The following MORC3 variants were observed in gnomAD, a reference collection of about 807,000 sequenced individuals.
MORC3 encodes MORC family CW-type zinc finger protein 3.
Under a neutral mutation model 109.1 loss-of-function variants are expected in MORC3, and 31 were observed. The observed-to-expected ratio is 0.28, with a 90% confidence interval of 0.21 to 0.38. The LOEUF (loss-of-function observed/expected upper bound fraction) is 0.38, where lower values mean the gene tolerates loss of function less well. Ranked by LOEUF, MORC3 falls within the 10% of genes least tolerant of loss-of-function variation. The pLI is 1.00. For missense variants in MORC3, 867 were observed against 1,135.8 expected (o/e 0.76, Z 3.40); for synonymous variants, 395 against 380.7 (o/e 1.04, Z -0.44).
chr21:36,333,566 A>T, intron 1 of MORC3, 80 bp from the exon 2 acceptor site: 1 of 1,172,386 alleles, frequency 8.5e-7, no homozygotes, highest in Non-Finnish European at 1.3e-6. Context: ...AATGTTGTTT[A>T]ACACAGGGAT....
At chr21:36,370,635 A>ATTTTTTTTTTTTTTTTTT (rs1361206395) in intron 15 of MORC3, among the ~76,000 whole-genome samples, 4 of 42,004 alleles carry the variant, frequency 9.5e-5, no homozygotes, top group Non-Finnish European at 1.3e-4. Flanking sequence ...ATATATATAT[A>ATTTTTTTTTTTTTTTTTT]TATATTTTTT....
chr21:36,369,185 G>A lies in MORC3; in HGVS notation c.1817G>A (p.Gly606Asp), dbSNP rs760275450. ...TCAGAACAGAGTCACGTTGAGCAAGGTGGTGTTCAGGTTGAGTTTGTGGGT... is the reference window on the plus strand; with the variant it reads ...TCAGAACAGAGTCACGTTGAGCAAGATGGTGTTCAGGTTGAGTTTGTGGGT... ...MKSEQSHVEQ[G>D]GVQVEFVGDS... is the part of the protein sequence containing the mutation. The change falls in exon 15 of 17, where the codon GGT (glycine) becomes GAT (aspartate). Residue 606 changes from glycine to aspartate, a missense_variant. Transcript: ENST00000400485. 1 of 1,614,166 alleles carries A rather than the reference G, an allele frequency of 6.2e-7. No individual in the cohort carries two copies. Among genetic ancestry groups the A allele is most frequent in the Non-Finnish European group, 8.5e-7 (1 of 1,180,040 alleles).
intron 16 of MORC3, among the ~76,000 whole-genome samples, chr21:36,373,895 GCCTTACAGTTTAGGTGTTTATTGCTT>G (rs2085900053): frequency 6.6e-6 from 1 of 152,110 alleles, no homozygotes; most frequent in South Asian, 2.1e-4. Context: ...AGCAAAAGCT[GCCTTACAGTTTAGGTGTTTATTGCTT>G]AAATACTTTT....
intron 1 of MORC3, 30 bp from the exon 2 acceptor site, chr21:36,333,612 GAATT>G (rs1215480408): frequency 2.3e-5 from 35 of 1,551,834 alleles, no homozygotes; most frequent in Non-Finnish European, 3.0e-5. Flanking sequence ...AGTAAGACCT[GAATT>G]AATTTACATG....
rs1219352208 is a variant in MORC3, at chr21:36,344,681, C to T, written c.859C>T (p.Arg287Cys). 1 of 1,613,860 alleles carries T rather than the reference C, an allele frequency of 6.2e-7. No individual in the cohort carries two copies. The highest frequency in any genetic ancestry group is 8.5e-7 in the Non-Finnish European group (1 of 1,179,936). Reference protein sequence around the residue: ...LVSKSLAYIERDVYRPKFLSK... With the variant: ...LVSKSLAYIECDVYRPKFLSK... ...TTCGAAGAGTCTTGCCTACATCGAA[C>T]GTGATGTTTATCGACCAAAATTTTT... The change falls in exon 7 of 17, where the codon CGT becomes TGT. Residue 287 changes from arginine to cysteine, a missense_variant. This residue lies in a region of MORC3 where 120 missense variants were observed against 259.7 expected (regional missense o/e 0.46). Coordinates refer to ENST00000400485, the MANE Select transcript of MORC3 (RefSeq NM_015358.3).
At chr21:36,334,460 A>G (rs1225421371) in intron 2 of MORC3, among the ~76,000 whole-genome samples, 1 of 152,090 alleles carries the variant, frequency 6.6e-6, no homozygotes, top group Non-Finnish European at 1.5e-5. Context: ...AGTGAGAATT[A>G]TGGGGAATTT....
chr21:36,345,014 G>A lies in MORC3; in HGVS notation c.988G>A (p.Val330Ile). 1 of 1,602,036 alleles carries A rather than the reference G, an allele frequency of 6.2e-7. No homozygotes were observed. ...RNRLIKAYEK[V>I]GCQLRANNMG... ...TAGACTCATCAAAGCTTATGAAAAA[G>A]TTGGATGTCAGTTAAGGGTAAGCTT... The change falls in exon 8 of 17, where the codon GTT (valine) becomes ATT (isoleucine). Residue 330 changes from valine to isoleucine, a missense_variant. By Grantham distance (29) the Val-to-Ile change is conservative. Coordinates refer to ENST00000400485, the MANE Select transcript of MORC3 (RefSeq NM_015358.3).
At chr21:36,336,345 C>T (rs991065314) in intron 2 of MORC3, among the ~76,000 whole-genome samples, 1 of 152,078 alleles carries the variant, frequency 6.6e-6, no homozygotes, top group Non-Finnish European at 1.5e-5. Flanking sequence ...CAGGCTCGAG[C>T]GATTCTCCTG....
chr21:36,328,869 A>C (rs995404629), intron 1 of MORC3, among the ~76,000 whole-genome samples: 1 of 151,368 alleles, frequency 6.6e-6, no homozygotes, highest in African/African-American at 2.4e-5. Context: ...GTCTTGGGCC[A>C]CACACACATA....
At chr21:36,349,251 GTAAT>G in intron 8 of MORC3, 56 bp from the exon 9 acceptor site, 1 of 1,012,662 alleles carries the variant, frequency 9.9e-7, no homozygotes, top group East Asian at 2.5e-5. Context: ...TTCTTTAAGG[GTAAT>G]TATTTTGAGC....
At chr21:36,338,095 G>C in intron 4 of MORC3, 149 bp downstream of exon 4, 2 of 760,790 alleles carry the variant, frequency 2.6e-6, no homozygotes, top group South Asian at 3.8e-5. Context: ...CCCTACACCT[G>C]AGGCTAAGGG....
At chr21:36,325,641 C>T (rs1331253992) in intron 1 of MORC3, among the ~76,000 whole-genome samples, 1 of 152,224 alleles carries the variant, frequency 6.6e-6, no homozygotes, top group African/African-American at 2.4e-5. Flanking sequence ...ATTCTACTTT[C>T]TGTCTAGGAA....
intron 10 of MORC3, among the ~76,000 whole-genome samples, chr21:36,358,652 A>G (rs1453612229): frequency 6.6e-6 from 1 of 151,998 alleles, no homozygotes; most frequent in African/African-American, 2.4e-5. Flanking sequence ...AATATATACA[A>G]GTTCTTTACA....
intron 8 of MORC3, among the ~76,000 whole-genome samples, chr21:36,347,128 G>C (rs990097237): frequency 6.6e-6 from 1 of 151,870 alleles, no homozygotes; most frequent in Admixed American, 6.6e-5. Context: ...ATTTGGATAT[G>C]GATCCATTGC....
intron 4 of MORC3, 87 bp downstream of exon 4, chr21:36,338,033 A>T (rs1324943592): frequency 7.4e-7 from 1 of 1,355,656 alleles, no homozygotes; most frequent in African/African-American, 1.5e-5. Flanking sequence ...CTTCCAGATT[A>T]TTCCCTTTGA....
intron 14 of MORC3, among the ~76,000 whole-genome samples, chr21:36,365,963 TCTC>T (rs1213678054): frequency 1.3e-5 from 2 of 152,190 alleles, no homozygotes; most frequent in East Asian, 1.9e-4. Flanking sequence ...ATTTTACAGT[TCTC>T]CTTAACATTT....
intron 8 of MORC3, among the ~76,000 whole-genome samples, chr21:36,346,911 T>C (rs2085514078): frequency 6.7e-6 from 1 of 149,094 alleles, no homozygotes; most frequent in South Asian, 2.1e-4. Flanking sequence ...GAGGCTGAGG[T>C]GGGAGAGTGC....
chr21:36,367,672 C>G (rs945841468), intron 14 of MORC3, among the ~76,000 whole-genome samples: 1 of 152,120 alleles, frequency 6.6e-6, no homozygotes, highest in African/African-American at 2.4e-5. Context: ...ACTGCATTTC[C>G]ACTAACTACA....
At position 36,337,049 on chromosome 21, in the gene MORC3, C is replaced by G. The variant is rs757733936; in HGVS notation, c.245+43C>G. On this transcript the variant is annotated intron_variant, in intron 3 of 16. Coordinates refer to ENST00000400485, the MANE Select transcript of MORC3 (RefSeq NM_015358.3). ...ACACTTCTTAAAATTGTTGCTTTTA[C>G]CTAAAGGGTTTTCCATGCCATACTT... 4.4e-6 allele frequency: 7 copies of G among 1,591,210 alleles called. No homozygotes were observed. In the Admixed American group the frequency reaches 1.2e-4, roughly 28 times the overall value.
Sources: gnomAD v4.1 joint callset for allele counts (sites outside exome capture counted in the v4.1 genomes callset) on GRCh38, gnomAD v4.1.1 for gene constraint, gnomAD v4.1.1 regional missense constraint, MANE v1.5 for transcripts, NCBI Gene and HGNC (gene_info 2026-07-23, HGNC 2026-07-21) for gene names.